Variants in KCNIP4 observed in about 807,000 individuals in gnomAD.
KCNIP4 encodes Kv channel-interacting protein 4.
KCNIP4 carries 12 observed loss-of-function variants against 34.0 expected under a neutral mutation model. That is an observed-to-expected ratio of 0.35 (90% CI 0.23 to 0.57). KCNIP4 has a LOEUF of 0.57. KCNIP4 is among the 20% of genes least tolerant of loss of function. KCNIP4 has a pLI of 0.83. For synonymous variants in KCNIP4, 124 were observed against 102.2 expected, an observed-to-expected ratio of 1.21 and a Z score of -1.29; for missense variants, 238 against 311.7, an observed-to-expected ratio of 0.76 and a Z score of 1.78.
chr4:20,818,790 C>G (rs889749669), intron 3 of KCNIP4, among the ~76,000 whole-genome samples: 1 of 152,044 alleles, frequency 6.6e-6, no homozygotes, highest in African/African-American at 2.4e-5. Context: ...TTAAAGAAGA[C>G]TATGCATGGT....
At chr4:21,458,605 C>G (rs1729169325) in intron 1 of KCNIP4, among the ~76,000 whole-genome samples, 1 of 152,026 alleles carries the variant, frequency 6.6e-6, no homozygotes, top group Admixed American at 6.6e-5. Flanking sequence ...GTGCTTAAAT[C>G]ACACAGCCAT....
At chr4:21,929,507 G>A (rs925563902) in intron 1 of KCNIP4, among the ~76,000 whole-genome samples, 1 of 152,088 alleles carries the variant, frequency 6.6e-6, no homozygotes, top group Admixed American at 6.6e-5. Flanking sequence ...AAGAAGAATA[G>A]TTCTTTCTAT....
At chr4:21,318,389 T>C (rs16870810) in intron 1 of KCNIP4, among the ~76,000 whole-genome samples, 18,882 of 152,158 alleles carry the variant, frequency 0.12, 1,482 homozygotes, top group African/African-American at 0.22. Flanking sequence ...TCCTAATAAT[T>C]AATTTCTTGC....
chr4:21,461,734 T>C (rs1371387570), intron 1 of KCNIP4, among the ~76,000 whole-genome samples: 1 of 151,856 alleles, frequency 6.6e-6, no homozygotes, highest in East Asian at 2.0e-4. Flanking sequence ...GCCATGTCTT[T>C]CCTGCCTCAC....
chr4:21,067,039 T>C (rs1399889816), intron 1 of KCNIP4, among the ~76,000 whole-genome samples: 2 of 152,124 alleles, frequency 1.3e-5, no homozygotes, highest in Non-Finnish European at 2.9e-5. Flanking sequence ...AAGAACTGTG[T>C]CTTGCAACTT....
At chr4:21,102,336 T>C (rs1188816530) in intron 1 of KCNIP4, among the ~76,000 whole-genome samples, 1 of 152,202 alleles carries the variant, frequency 6.6e-6, no homozygotes, top group Non-Finnish European at 1.5e-5. Flanking sequence ...TATCCATAAA[T>C]TACAATATTA....
At chr4:21,277,481 C>T (rs549327300) in intron 1 of KCNIP4, among the ~76,000 whole-genome samples, 228 of 152,058 alleles carry the variant, frequency 1.5e-3, no homozygotes, top group African/African-American at 5.2e-3. Context: ...GAATAAGTAG[C>T]CATTGTATAA....
intron 1 of KCNIP4, among the ~76,000 whole-genome samples, chr4:21,480,735 A>T (rs550801787): frequency 6.6e-6 from 1 of 152,210 alleles, no homozygotes; most frequent in African/African-American, 2.4e-5. Context: ...TTAAAGACTC[A>T]TATGTAGAAA....
At chr4:21,408,096 T>C (rs1017098009) in intron 1 of KCNIP4, among the ~76,000 whole-genome samples, 10 of 152,222 alleles carry the variant, frequency 6.6e-5, no homozygotes, top group Non-Finnish European at 1.3e-4. Context: ...CGGTAGACAT[T>C]GAAGACTTCC....
At chr4:21,079,817 C>T (rs1277935011) in intron 1 of KCNIP4, among the ~76,000 whole-genome samples, 3 of 151,518 alleles carry the variant, frequency 2.0e-5, no homozygotes, top group African/African-American at 7.3e-5. Context: ...TATGTGATAC[C>T]AGGAAGCAGA....
intron 1 of KCNIP4, among the ~76,000 whole-genome samples, chr4:21,174,576 A>G (rs1754255900): frequency 6.6e-6 from 1 of 152,282 alleles, no homozygotes; most frequent in South Asian, 2.1e-4. Context: ...ACTCTCTGGT[A>G]CTTGACATTT....
At chr4:21,939,854 T>TTAA (rs1214752208) in intron 1 of KCNIP4, among the ~76,000 whole-genome samples, 26 of 152,186 alleles carry the variant, frequency 1.7e-4, no homozygotes, top group Admixed American at 1.7e-3. Flanking sequence ...GTGCTTGAAA[T>TTAA]ATTAGATGAT....
At chr4:21,130,051 C>G (rs1017206925) in intron 1 of KCNIP4, among the ~76,000 whole-genome samples, 7 of 151,972 alleles carry the variant, frequency 4.6e-5, no homozygotes, top group African/African-American at 1.7e-4. Flanking sequence ...ACGTTTTGAC[C>G]TAGGAGGGAG....
At chr4:21,526,553 T>C (rs1400504797) in intron 1 of KCNIP4, among the ~76,000 whole-genome samples, 2 of 152,080 alleles carry the variant, frequency 1.3e-5, no homozygotes, top group African/African-American at 2.4e-5. Context: ...TTGATATGTA[T>C]ATCAATCTAT....
At chr4:21,284,212 C>CA (rs545337941) in intron 1 of KCNIP4, among the ~76,000 whole-genome samples, 1,078 of 85,402 alleles carry the variant, frequency 0.013, 13 homozygotes, top group South Asian at 0.097. Flanking sequence ...GACTCCGTCT[C>CA]AAAAAAAAAA....
intron 1 of KCNIP4, among the ~76,000 whole-genome samples, chr4:20,959,615 A>T (rs17635274): frequency 2.0e-5 from 3 of 152,188 alleles, no homozygotes; most frequent in Non-Finnish European, 4.4e-5. Flanking sequence ...TCTCTGATGC[A>T]TTCCCCAGCT....
intron 3 of KCNIP4, among the ~76,000 whole-genome samples, chr4:20,833,640 G>T (rs1487081741): frequency 6.6e-6 from 1 of 152,102 alleles, no homozygotes; most frequent in Admixed American, 6.5e-5. Context: ...CATACAAATT[G>T]GTCCTTTACG....
chr4:20,916,987 A>T (rs10805221), intron 1 of KCNIP4, among the ~76,000 whole-genome samples: 5,111 of 8,990 alleles, frequency 0.57, 1,022 homozygotes, highest in African/African-American at 0.59. Flanking sequence ...TCTTATGTTT[A>T]TATATATATA....
At chr4:21,112,025 GTATCTATCTATCTATC>G (rs34396290) in intron 1 of KCNIP4, among the ~76,000 whole-genome samples, 13 of 114,808 alleles carry the variant, frequency 1.1e-4, no homozygotes, top group Admixed American at 2.6e-4. Context: ...TCCTTTCTCT[GTATCTATCTATCTATC>G]TATCTATCTA....
Sources: gnomAD v4.1 joint callset for allele counts (sites outside exome capture counted in the v4.1 genomes callset) on GRCh38, gnomAD v4.1.1 for gene constraint, MANE v1.5 for transcripts, NCBI Gene and HGNC (gene_info 2026-07-23, HGNC 2026-07-21) for gene names.